Variants in GRID2 observed in about 807,000 individuals in gnomAD.
GRID2 encodes glutamate receptor ionotropic, delta-2.
Under a neutral mutation model 114.8 loss-of-function variants are expected in GRID2, and 33 were observed. The observed-to-expected ratio is 0.29, with a 90% CI of 0.22 to 0.38. The LOEUF is 0.38. Ranked by LOEUF, GRID2 falls within the 10% of genes least tolerant of loss-of-function variation. The pLI is 1.00. For synonymous variants in GRID2, 505 were observed against 449.9 expected (o/e 1.12, Z -1.55); for missense variants, 1,184 against 1,257.7 (o/e 0.94, Z 0.89).
intron 1 of GRID2, among the ~76,000 whole-genome samples, chr4:92,478,827 T>C (rs1357787992): frequency 2.6e-5 from 4 of 152,168 alleles, no homozygotes; most frequent in African/African-American, 9.7e-5. Context: ...TCATCAATTT[T>C]CTGTCCACAT....
At chr4:93,605,279 G>C (rs1007595686) in intron 13 of GRID2, among the ~76,000 whole-genome samples, 1 of 152,132 alleles carries the variant, frequency 6.6e-6, no homozygotes, top group Non-Finnish European at 1.5e-5. Flanking sequence ...CACATTTCAA[G>C]TGCTCAGTAG....
At chr4:93,391,397 T>A (rs532863910) in intron 8 of GRID2, among the ~76,000 whole-genome samples, 2 of 152,320 alleles carry the variant, frequency 1.3e-5, no homozygotes, top group South Asian at 4.1e-4. Flanking sequence ...TGGCTTTTTG[T>A]TCCCTCTTTT....
intron 10 of GRID2, among the ~76,000 whole-genome samples, chr4:93,423,916 G>A (rs1455160154): frequency 6.6e-6 from 1 of 151,362 alleles, no homozygotes; most frequent in African/African-American, 2.4e-5. Context: ...GTTTTTCTTG[G>A]GGTTAATTAA....
intron 4 of GRID2, among the ~76,000 whole-genome samples, chr4:93,148,475 A>G (rs1736450476): frequency 1.3e-5 from 2 of 149,968 alleles, no homozygotes; most frequent in Admixed American, 7.3e-5. Flanking sequence ...TGCTTTATAT[A>G]TAATAATTAA....
intron 4 of GRID2, among the ~76,000 whole-genome samples, chr4:93,146,307 T>C (rs905859955): frequency 6.6e-6 from 1 of 152,154 alleles, no homozygotes; most frequent in Non-Finnish European, 1.5e-5. Context: ...TTTCATTTGG[T>C]ATAGAATTTA....
chr4:93,311,890 A>T (rs1324085993), intron 8 of GRID2, among the ~76,000 whole-genome samples: 1 of 152,208 alleles, frequency 6.6e-6, no homozygotes, highest in Admixed American at 6.5e-5. Flanking sequence ...GAGGCAAAAA[A>T]CAGAGAAGGT....
At chr4:92,819,691 G>A (rs991466444) in intron 2 of GRID2, among the ~76,000 whole-genome samples, 1 of 152,042 alleles carries the variant, frequency 6.6e-6, no homozygotes, top group African/African-American at 2.4e-5. Flanking sequence ...ACCAACTGCA[G>A]GAAAGGATAT....
intron 1 of GRID2, among the ~76,000 whole-genome samples, chr4:92,360,365 A>G (rs2110199862): frequency 6.6e-6 from 1 of 152,048 alleles, no homozygotes; most frequent in South Asian, 2.1e-4. Context: ...TGATTCTTCT[A>G]GGATTAGCCT....
rs1368706729 is a variant in GRID2, at chr4:92,966,484, G to A, written c.245-118511G>A. 2.0e-5 allele frequency among the ~76,000 whole-genome samples: 3 copies of A among 151,996 alleles called. No homozygotes were observed. The East Asian group carries it at 5.8e-4, about 29-fold the overall frequency. On this transcript the variant is annotated intron_variant, in intron 2 of 15. Coordinates refer to ENST00000282020, the MANE Select transcript of GRID2 (RefSeq NM_001510.4). ...CAGTGGGCTCTGATATAGCTTGGCT[G>A]TGTCCCCACCCAAATCTCACCTTGA...
chr4:93,125,362 A>G (rs890944670), intron 4 of GRID2, among the ~76,000 whole-genome samples: 1 of 151,996 alleles, frequency 6.6e-6, no homozygotes, highest in Non-Finnish European at 1.5e-5. Flanking sequence ...AAGCAAATTC[A>G]TTAACTCTGA....
intron 8 of GRID2, among the ~76,000 whole-genome samples, chr4:93,370,097 A>G (rs1326595598): frequency 6.6e-6 from 1 of 151,970 alleles, no homozygotes; most frequent in Admixed American, 6.6e-5. Context: ...GGTTAAGCCC[A>G]ATTTATCCAA....
At chr4:92,977,674 A>T (rs1753957784) in intron 2 of GRID2, among the ~76,000 whole-genome samples, 1 of 152,164 alleles carries the variant, frequency 6.6e-6, no homozygotes. Context: ...GTGGATGTGA[A>T]ATTAAGACTT....
chr4:93,461,418 A>G (rs1723729107), intron 11 of GRID2, among the ~76,000 whole-genome samples: 1 of 152,126 alleles, frequency 6.6e-6, no homozygotes, highest in Non-Finnish European at 1.5e-5. Context: ...ATTTCCAATA[A>G]AAATACAGTC....
At chr4:92,556,962 A>C (rs980192610) in intron 1 of GRID2, among the ~76,000 whole-genome samples, 11 of 152,150 alleles carry the variant, frequency 7.2e-5, no homozygotes, top group African/African-American at 2.7e-4. Flanking sequence ...TAGTATAATA[A>C]AATCATCAGC....
intron 1 of GRID2, among the ~76,000 whole-genome samples, chr4:92,378,011 G>A (rs1341894352): frequency 6.6e-6 from 1 of 151,472 alleles, no homozygotes; most frequent in East Asian, 1.9e-4. Context: ...TTTTTACTTA[G>A]ATATCTAAAG....
chr4:92,957,047 A>G (rs577038026), intron 2 of GRID2, among the ~76,000 whole-genome samples: 3 of 152,208 alleles, frequency 2.0e-5, no homozygotes, highest in Admixed American at 2.0e-4. Flanking sequence ...AATTTTGTAT[A>G]ATAGCCCTCT....
chr4:93,746,711 A>ATT (rs1227891532), intron 14 of GRID2, among the ~76,000 whole-genome samples: 1 of 152,130 alleles, frequency 6.6e-6, no homozygotes, highest in African/African-American at 2.4e-5. Flanking sequence ...AATACAATAT[A>ATT]TTGCAATACA....
At chr4:92,401,386 T>A (rs1225539950) in intron 1 of GRID2, among the ~76,000 whole-genome samples, 1 of 152,166 alleles carries the variant, frequency 6.6e-6, no homozygotes, top group Non-Finnish European at 1.5e-5. Context: ...AAGCATAATG[T>A]TAGGAGCTGG....
At chr4:93,664,136 G>T (rs2149741715) in intron 14 of GRID2, among the ~76,000 whole-genome samples, 1 of 152,300 alleles carries the variant, frequency 6.6e-6, no homozygotes, top group Middle Eastern at 3.4e-3. Context: ...CACACAAAGG[G>T]AACAGCAGTG....
Sources: allele counts gnomAD v4.1 joint callset (sites outside exome capture counted in the v4.1 genomes callset), GRCh38; gene constraint gnomAD v4.1.1; transcripts MANE v1.5; gene names NCBI Gene and HGNC (gene_info 2026-07-23, HGNC 2026-07-21).